Variants in CYBB observed in about 807,000 individuals in gnomAD.
CYBB encodes NADPH oxidase 2.
CYBB carries 5 observed loss-of-function variants against 46.5 expected under a neutral mutation model. That is an observed-to-expected ratio of 0.11 (90% CI 0.06 to 0.23). The LOEUF (loss-of-function observed/expected upper bound fraction) is 0.23. Ranked by LOEUF, CYBB falls within the 10% of genes least tolerant of loss-of-function variation. The pLI is 1.00. For synonymous variants in CYBB, 183 were observed against 156.7 expected (o/e 1.17, Z -1.26); for missense variants, 307 against 428.3 (o/e 0.72, Z 2.50).
At chrX:37,789,645 T>C (rs1302776373) in intron 3 of CYBB, among the ~76,000 whole-genome samples, 7 of 111,620 alleles carry the variant, frequency 6.3e-5, no homozygotes, top group Non-Finnish European at 1.1e-4. Context: ...TCAGCACTTG[T>C]AATGAACACA....
At chrX:37,783,180 T>C (rs1307369889) in intron 2 of CYBB, among the ~76,000 whole-genome samples, 1 of 111,839 alleles carries the variant, frequency 8.9e-6, no homozygotes, top group Non-Finnish European at 1.9e-5. Flanking sequence ...TAGAATGTGA[T>C]AAAGCAAGCA....
At chrX:37,790,872 C>T (rs1014505369) in intron 3 of CYBB, among the ~76,000 whole-genome samples, 3 of 111,765 alleles carry the variant, frequency 2.7e-5, no homozygotes, top group Non-Finnish European at 5.6e-5. Context: ...ATCTCTGTGA[C>T]AGTGCATTTA....
chrX:37,809,878 A>C (rs1929636201), intron 12 of CYBB, among the ~76,000 whole-genome samples, 187 bp downstream of exon 12: 1 of 111,993 alleles, frequency 8.9e-6, no homozygotes, highest in Non-Finnish European at 1.9e-5. Context: ...ATTATACCAA[A>C]TTACCTGGAG....
At chrX:37,806,623 T>C in intron 11 of CYBB, 90 bp downstream of exon 11, 2 of 898,633 alleles carry the variant, frequency 2.2e-6, no homozygotes, top group Middle Eastern at 3.6e-4. Context: ...TTGTGTACTA[T>C]TTTTTCTAAG....
chrX:37,789,495 G>GAGAA (rs1245444226), intron 3 of CYBB, among the ~76,000 whole-genome samples: 4 of 83,074 alleles, frequency 4.8e-5, no homozygotes, highest in Non-Finnish European at 7.5e-5. Context: ...AAGAAAGAAA[G>GAGAA]AGAAAGAAAG....
intron 3 of CYBB, among the ~76,000 whole-genome samples, chrX:37,787,637 G>A (rs782021121): frequency 2.2e-4 from 25 of 111,671 alleles, no homozygotes; most frequent in Non-Finnish European, 3.0e-4. Context: ...TGGCAACGTG[G>A]ATAATTGGGA....
intron 11 of CYBB, among the ~76,000 whole-genome samples, chrX:37,806,847 T>G (rs2146819245): frequency 9.1e-6 from 1 of 109,338 alleles, no homozygotes; most frequent in East Asian, 2.9e-4. Context: ...TTTAGCTTTC[T>G]CTTTCTCTCT....
chrX:37,799,000 T>C lies in CYBB; in HGVS notation c.720T>C (p.Asn240=). ...GQTAESLAVH[N]ITVCEQKISE... ...CCGCAGAGAGTTTGGCTGTGCATAA[T>C]ATAACAGTTTGTGAACAAAAAATCT... The change falls in exon 7 of 13, where the codon AAT becomes AAC. Residue 240 remains asparagine, a synonymous_variant. Transcript: ENST00000378588. The C allele has an allele frequency of 8.3e-7, 1 of 1,208,431 alleles. No individual in the cohort carries two copies. The highest frequency in any genetic ancestry group is 1.1e-6 in the Non-Finnish European group (1 of 892,932).
intron 6 of CYBB, 107 bp downstream of exon 6, chrX:37,796,248 C>A: frequency 1.4e-6 from 1 of 697,083 alleles, no homozygotes; most frequent in Non-Finnish European, 2.3e-6. Flanking sequence ...GTTAGCCTGT[C>A]TGCTAAGGGA....
intron 11 of CYBB, among the ~76,000 whole-genome samples, chrX:37,807,231 G>A (rs1929584033): frequency 9.1e-6 from 1 of 109,977 alleles, no homozygotes; most frequent in African/African-American, 3.3e-5. Context: ...TCAATTTAGT[G>A]ATGGTTTTAT....
intron 8 of CYBB, among the ~76,000 whole-genome samples, chrX:37,802,980 G>A (rs548269477): frequency 8.9e-6 from 1 of 112,111 alleles, no homozygotes; most frequent in African/African-American, 3.2e-5. Context: ...ATAGTTGATG[G>A]ACATTTGGAT....
In CYBB at chrX:37,811,366, G is replaced by A; in HGVS notation, c.*449G>A. ...CCCAAAAGAAGAAGGAAACCAAGGA[G>A]TAGCTATATATTTCTACTTTGTGTC... On this transcript the variant is annotated 3_prime_UTR_variant, in exon 13 of 13. Coordinates refer to ENST00000378588, the MANE Select transcript of CYBB (RefSeq NM_000397.4). 7.2e-6 allele frequency: 1 copy of A among 138,471 alleles called. No homozygotes were observed. 11.4% of individuals were successfully genotyped at this position (138,471 alleles called of 1,213,427 possible). A position where few individuals can be genotyped will look rare whatever the true frequency, so the allele number is the denominator to read the frequency against.
Position 37,806,467 on chromosome X carries a change from G to T in CYBB, c.1395G>T (p.Met465Ile), listed in dbSNP as rs1556471669. 3 of 1,210,951 alleles carry T rather than the reference G, an allele frequency of 2.5e-6. No individual in the cohort carries two copies. The South Asian group carries it at 5.3e-5, about 21-fold the overall frequency. ...TGCTGCAACTGCTGGAGAGCCAGAT[G>T]CAGGAAAGGAACAATGCCGGCTTCC... is the stretch of plus-strand genomic sequence containing the variant. ...ADLLQLLESQ[M>I]QERNNAGFLS... Residue 465 changes from methionine (M) to isoleucine (I), a missense_variant, in exon 11 of 13, where the codon ATG becomes ATT. By Grantham distance (10) the Met-to-Ile change is conservative. Coordinates refer to ENST00000378588, the MANE Select transcript of CYBB (RefSeq NM_000397.4).
rs1360925113 is a variant in CYBB, at chrX:37,812,557, C to T, written c.*1640C>T. ...ATAGAATATAATTGAAGGAGGTATA[C>T]ACATATTGATGTTGTTTTGATTATC... On this transcript the variant is annotated 3_prime_UTR_variant, in exon 13 of 13. Coordinates refer to ENST00000378588, the MANE Select transcript of CYBB (RefSeq NM_000397.4). The T allele has an allele frequency of 2.7e-5, 3 of 111,792 alleles. No homozygotes were observed. The highest frequency in any genetic ancestry group is 5.6e-5 in the Non-Finnish European group (3 of 53,109). 9.2% of individuals were successfully genotyped at this position (111,792 alleles called of 1,213,427 possible). A position where few individuals can be genotyped will look rare whatever the true frequency, so the allele number is the denominator to read the frequency against.
chrX:37,791,669 T>A (rs1241583841), intron 3 of CYBB, among the ~76,000 whole-genome samples: 1 of 112,131 alleles, frequency 8.9e-6, no homozygotes, highest in Non-Finnish European at 1.9e-5. Flanking sequence ...TAGCTAGATA[T>A]GTTTTTTGTA....
intron 3 of CYBB, among the ~76,000 whole-genome samples, chrX:37,783,831 A>G (rs191218703): frequency 7.2e-5 from 8 of 110,588 alleles, no homozygotes; most frequent in Non-Finnish European, 1.9e-5. Context: ...CTATACCTCA[A>G]CAGTAGCAAT....
intron 8 of CYBB, among the ~76,000 whole-genome samples, chrX:37,802,755 A>G (rs1314501967): frequency 9.0e-6 from 1 of 111,268 alleles, no homozygotes; most frequent in Non-Finnish European, 1.9e-5. Flanking sequence ...CTCTTCCACA[A>G]CTCCCTGTTC....
chrX:37,797,847 A>T (rs1365589235), intron 6 of CYBB, among the ~76,000 whole-genome samples: 1 of 111,982 alleles, frequency 8.9e-6, no homozygotes. Flanking sequence ...GACACAAAAC[A>T]CAATTGTTTT....
At chrX:37,790,232 T>A (rs890571964) in intron 3 of CYBB, among the ~76,000 whole-genome samples, 2 of 112,154 alleles carry the variant, frequency 1.8e-5, no homozygotes, top group Non-Finnish European at 3.8e-5. Context: ...AATAATGCAC[T>A]CTTCATTAAT....
Sources: gnomAD v4.1 joint callset for allele counts (sites outside exome capture counted in the v4.1 genomes callset) on GRCh38, gnomAD v4.1.1 for gene constraint, MANE v1.5 for transcripts, NCBI Gene and HGNC (gene_info 2026-07-23, HGNC 2026-07-21) for gene names.